DHCR7: variants seen among roughly 807,000 people sequenced by gnomAD.
DHCR7 encodes 7-dehydrocholesterol reductase.
DHCR7 carries 40 observed loss-of-function variants against 43.3 expected under a neutral mutation model. The ratio of observed to expected loss-of-function variants is 0.92; its 90% CI spans 0.72 to 1.20. The LOEUF is 1.20. Ranked by LOEUF, DHCR7 falls within the 50% of genes most tolerant of loss-of-function variation. The pLI is 0.00. For missense variants in DHCR7, 608 were observed against 644.6 expected (o/e 0.94, Z 0.62); for synonymous variants, 298 against 271.4 (o/e 1.10, Z -0.96).
chr11:71,438,844 A>T (rs1486902010), intron 7 of DHCR7, 35 bp downstream of exon 7: 5 of 1,607,886 alleles, frequency 3.1e-6, no homozygotes, highest in African/African-American at 2.7e-5. Context: ...GCCTGCCGGC[A>T]TCGGCGTTTC....
chr11:71,432,379 A>G (rs1949232743), downstream of DHCR7, among the ~76,000 whole-genome samples: 1 of 152,224 alleles, frequency 6.6e-6, no homozygotes, highest in South Asian at 2.1e-4. Context: ...GGGAAATTGA[A>G]CAGCTTTTCA....
At chr11:71,443,509 G>A (rs1949369702) in intron 4 of DHCR7, among the ~76,000 whole-genome samples, 2 of 152,206 alleles carry the variant, frequency 1.3e-5, no homozygotes, top group African/African-American at 4.8e-5. Flanking sequence ...GGAGGCCAGT[G>A]GGGACACCAT....
intron 6 of DHCR7, among the ~76,000 whole-genome samples, chr11:71,439,888 T>G (rs1468939030): frequency 6.6e-6 from 1 of 152,202 alleles, no homozygotes. Context: ...CTACAAAGTG[T>G]CATCCTCCAG....
Sources: allele counts gnomAD v4.1 joint callset (sites outside exome capture counted in the v4.1 genomes callset), GRCh38; gene constraint gnomAD v4.1.1; transcripts MANE v1.5; gene names NCBI Gene and HGNC (gene_info 2026-07-23, HGNC 2026-07-21).